FOXK1: variants seen among roughly 807,000 people sequenced by gnomAD.
The protein encoded by FOXK1 is forkhead box protein K1.
In FOXK1, 19 loss-of-function variants were observed where a neutral mutation model predicts 51.9. The ratio of observed to expected loss-of-function variants is 0.37; its 90% CI spans 0.26 to 0.54. FOXK1 has a LOEUF of 0.54. Among genes scored for constraint, FOXK1 ranks in the 20% least tolerant of loss-of-function variants. The pLI is 0.87. For synonymous variants in FOXK1, 537 were observed against 482.6 expected (o/e 1.11, Z -1.48); for missense variants, 870 against 1,032.7 (o/e 0.84, Z 2.16).
In FOXK1 at chr7:4,731,313, G is replaced by A. The variant is rs563203607; in HGVS notation, c.561-9525G>A. The stretch of plus-strand genomic sequence containing the variant: ...GCCAAACCACTTAACAGAACCAGGC[G>A]AGCCAGGTTTAGTACTTTATCGGGT... On this transcript the variant is annotated intron_variant, in intron 1 of 8. Transcript: ENST00000328914. The surrounding 1 kb of genome is among the most constrained non-coding windows in gnomAD (Gnocchi z 5.3). 1.3e-5 allele frequency among the ~76,000 whole-genome samples: 2 copies of A among 152,334 alleles called. No homozygotes were observed. The highest frequency in any genetic ancestry group is 1.9e-4 in the East Asian group (1 of 5,184).
At position 4,758,828 on chromosome 7, in the gene FOXK1, C is replaced by T; in HGVS notation, c.1245-223C>T. On this transcript the variant is annotated intron_variant, in intron 5 of 8. Coordinates refer to ENST00000328914, the MANE Select transcript of FOXK1 (RefSeq NM_001037165.2). The surrounding 1 kb of genome is among the most constrained non-coding windows in gnomAD (Gnocchi z 4.4). ...TGCAGCACCTCACATGATACCGTCC[C>T]CTCTCATGGAACGGAGCCTCCCCCA... The T allele has an allele frequency of 3.5e-6, 2 of 576,718 alleles. No individual in the cohort carries two copies. Among genetic ancestry groups the T allele is most frequent in the Non-Finnish European group, 6.1e-6 (2 of 328,070 alleles). The allele number at this position is 576,718 out of a possible 1,614,324, so 35.7% of individuals were successfully genotyped here.
At chr7:4,704,310 G>T (rs1342362750) in intron 1 of FOXK1, among the ~76,000 whole-genome samples, 4 of 151,864 alleles carry the variant, frequency 2.6e-5, no homozygotes, top group Non-Finnish European at 5.9e-5. Context: ...AATTAGTCGG[G>T]CGTAGTGGGG....
rs1360871530 is a variant in FOXK1 at position 4,711,532 on chromosome 7, G to T, written c.560+28664G>T. ...GTGAAGAGGTGTGCCCCATCCCATG[G>T]CCACTGGAGAACTGGCAGAAGCTCC... is the stretch of plus-strand genomic sequence containing the variant. On this transcript the variant is annotated intron_variant, in intron 1 of 8. Coordinates refer to ENST00000328914, the MANE Select transcript of FOXK1 (RefSeq NM_001037165.2). The surrounding 1 kb of genome is among the most constrained non-coding windows in gnomAD (Gnocchi z 6.3). Among the ~76,000 whole-genome samples, 1 of 152,214 alleles carries T rather than the reference G, an allele frequency of 6.6e-6. No homozygotes were observed. The highest frequency in any genetic ancestry group is 1.5e-5 in the Non-Finnish European group (1 of 68,036).
Position 4,709,757 on chromosome 7 carries a change from T to G in FOXK1, c.560+26889T>G, listed in dbSNP as rs775715511. ...AAGTTCCACAGTGTCATGATAATTC[T>G]TGGCGTTGAGTGACCTCACGATGTG... is the stretch of plus-strand genomic sequence containing the variant. On this transcript the variant is annotated intron_variant, in intron 1 of 8. Transcript: ENST00000328914. This position sits in a 1 kb window ranked among gnomAD's most constrained non-coding sequence, Gnocchi z 5.6. Among the ~76,000 whole-genome samples the G allele has an allele frequency of 6.6e-6, 1 of 152,258 alleles. No homozygotes were observed. The highest frequency in any genetic ancestry group is 2.4e-5 in the African/African-American group (1 of 41,466).
In FOXK1 at chr7:4,761,579, C is replaced by T. The variant is rs1395006398; in HGVS notation, c.1921+291C>T. Among the ~76,000 whole-genome samples the T allele has an allele frequency of 6.6e-6, 1 of 152,100 alleles. No homozygotes were observed. Among genetic ancestry groups the T allele is most frequent in the Non-Finnish European group, 1.5e-5 (1 of 68,024 alleles). On this transcript the variant is annotated intron_variant, in intron 8 of 8. Coordinates refer to ENST00000328914, the MANE Select transcript of FOXK1 (RefSeq NM_001037165.2). The surrounding 1 kb of genome is among the most constrained non-coding windows in gnomAD (Gnocchi z 6.2). ...CCCATCTCTACATAAGATTCAAAAA[C>T]TTAGCCAGGTGTGGTGTTGCACGCT...
chr7:4,700,889 A>G (rs953461355), intron 1 of FOXK1, among the ~76,000 whole-genome samples: 1 of 152,186 alleles, frequency 6.6e-6, no homozygotes, highest in African/African-American at 2.4e-5. Context: ...CATCCCACAT[A>G]CATGCGTCTG....
chr7:4,705,566 G>A (rs971614354), intron 1 of FOXK1, among the ~76,000 whole-genome samples: 2 of 97,216 alleles, frequency 2.1e-5, no homozygotes, highest in South Asian at 3.9e-4. Flanking sequence ...TCTCGCTCTC[G>A]CTCTCTCGTC....
intron 1 of FOXK1, among the ~76,000 whole-genome samples, chr7:4,717,704 GTC>G (rs1780254454): frequency 6.6e-6 from 1 of 152,170 alleles, no homozygotes; most frequent in Non-Finnish European, 1.5e-5. Context: ...TGGCCTCCTT[GTC>G]TCTCTGAGCA....
At chr7:4,698,247 A>G (rs1779977592) in intron 1 of FOXK1, among the ~76,000 whole-genome samples, 2 of 151,936 alleles carry the variant, frequency 1.3e-5, no homozygotes, top group South Asian at 2.1e-4. Flanking sequence ...GTGCTCTGCC[A>G]TGTTTAGCGT....
Position 4,770,902 on chromosome 7 carries a change from T to TGTG in FOXK1, c.*8438_*8439insGTG, listed in dbSNP as rs1781090964. On this transcript the variant is annotated 3_prime_UTR_variant, in exon 9 of 9. Coordinates refer to ENST00000328914, the MANE Select transcript of FOXK1 (RefSeq NM_001037165.2). The stretch of plus-strand genomic sequence containing the variant: ...GTGTGTGTGTGTGTGTGTGTGTGTG[T>TGTG]ATTTTTTTTTTTACAGTGGCGCCTG... The TGTG allele has an allele frequency of 7.1e-6, 1 of 140,248 alleles. No individual in the cohort carries two copies. Among genetic ancestry groups the TGTG allele is most frequent in the Non-Finnish European group, 1.6e-5 (1 of 63,994 alleles). The allele number at this position is 140,248 out of a possible 1,614,324, so 8.7% of individuals were successfully genotyped here.
intron 1 of FOXK1, among the ~76,000 whole-genome samples, chr7:4,684,821 C>A (rs752518489): frequency 2.0e-5 from 3 of 152,182 alleles, no homozygotes; most frequent in Non-Finnish European, 4.4e-5. Context: ...TTGAAGGAGG[C>A]TTTCACGGTA....
At chr7:4,691,724 C>G (rs1343479753) in intron 1 of FOXK1, among the ~76,000 whole-genome samples, 6 of 152,196 alleles carry the variant, frequency 3.9e-5, no homozygotes, top group African/African-American at 1.2e-4. Flanking sequence ...GAACTGTCTT[C>G]CATCTGTTTC....
rs1583200742 is a variant in FOXK1, at chr7:4,733,587, A to G, written c.561-7251A>G. ...AGAGGGGCAGAGAAACATGGTCTTCAGTTGGGTGGACGTTTCTCTGTCTCC... is the reference window on the plus strand; with the variant it reads ...AGAGGGGCAGAGAAACATGGTCTTCGGTTGGGTGGACGTTTCTCTGTCTCC... On this transcript the variant is annotated intron_variant, in intron 1 of 8. Coordinates refer to ENST00000328914, the MANE Select transcript of FOXK1 (RefSeq NM_001037165.2). This position sits in a 1 kb window ranked among gnomAD's most constrained non-coding sequence, Gnocchi z 5.0. Among the ~76,000 whole-genome samples, 1 of 152,346 alleles carries G rather than the reference A, an allele frequency of 6.6e-6. No homozygotes were observed. Among genetic ancestry groups the G allele is most frequent in the East Asian group, 1.9e-4 (1 of 5,186 alleles).
At chr7:4,700,690 C>T (rs981698633) in intron 1 of FOXK1, among the ~76,000 whole-genome samples, 4 of 152,024 alleles carry the variant, frequency 2.6e-5, no homozygotes, top group African/African-American at 9.7e-5. Context: ...GTATCATGCA[C>T]CTGTGGTACG....
intron 1 of FOXK1, among the ~76,000 whole-genome samples, chr7:4,702,351 TA>T (rs1220686552): frequency 6.6e-6 from 1 of 152,006 alleles, no homozygotes. Context: ...TTTATTTATT[TA>T]TTTTTTTTGA....
chr7:4,730,860 C>T lies in FOXK1; in HGVS notation c.561-9978C>T, dbSNP rs1583199585. On this transcript the variant is annotated intron_variant, in intron 1 of 8. Coordinates refer to ENST00000328914, the MANE Select transcript of FOXK1 (RefSeq NM_001037165.2). The surrounding 1 kb of genome is among the most constrained non-coding windows in gnomAD (Gnocchi z 4.7). ...CTGATTTGGGGATTTTATATGTTAACGTTTCTTTCAAAACCATTTCCTGAG... is the reference window on the plus strand; with the variant it reads ...CTGATTTGGGGATTTTATATGTTAATGTTTCTTTCAAAACCATTTCCTGAG... Among the ~76,000 whole-genome samples, 1 of 152,156 alleles carries T rather than the reference C, an allele frequency of 6.6e-6. No individual in the cohort carries two copies. The highest frequency in any genetic ancestry group is 2.4e-5 in the African/African-American group (1 of 41,436).
chr7:4,740,548 T>A (rs1159196989), intron 1 of FOXK1, among the ~76,000 whole-genome samples: 1 of 151,882 alleles, frequency 6.6e-6, no homozygotes, highest in Non-Finnish European at 1.5e-5. Context: ...GAGGCTGAGG[T>A]TGCGGTGAGC....
chr7:4,755,483 G>A lies in FOXK1; in HGVS notation c.1050+100G>A, dbSNP rs1002303675. On this transcript the variant is annotated intron_variant, in intron 4 of 8. Coordinates refer to ENST00000328914, the MANE Select transcript of FOXK1 (RefSeq NM_001037165.2). The surrounding 1 kb of genome is among the most constrained non-coding windows in gnomAD (Gnocchi z 6.6). Reference sequence around the variant, plus strand: ...CTTAAAACAGAAGAGGGCCAGTGAGGGGGCTCACGCCTGGAACCCTAGCAT... The same window carrying A: ...CTTAAAACAGAAGAGGGCCAGTGAGAGGGCTCACGCCTGGAACCCTAGCAT... The A allele has an allele frequency of 2.0e-6, 3 of 1,491,224 alleles. No individual in the cohort carries two copies. The highest frequency in any genetic ancestry group is 2.7e-6 in the Non-Finnish European group (3 of 1,103,792). 92.4% of individuals were successfully genotyped at this position (1,491,224 alleles called of 1,614,324 possible). A position where few individuals can be genotyped will look rare whatever the true frequency, so the allele number is the denominator to read the frequency against.
chr7:4,750,905 A>T (rs1780766727), intron 2 of FOXK1, among the ~76,000 whole-genome samples: 1 of 151,488 alleles, frequency 6.6e-6, no homozygotes. Flanking sequence ...GATTTCTCTA[A>T]ATCGGGCAGG....
Sources: allele counts gnomAD v4.1 joint callset (sites outside exome capture counted in the v4.1 genomes callset), GRCh38; gene constraint gnomAD v4.1.1; non-coding constraint Gnocchi (gnomAD v3.1); transcripts MANE v1.5; gene names NCBI Gene and HGNC (gene_info 2026-07-23, HGNC 2026-07-21).